Variants in SOX6 observed in about 807,000 individuals in gnomAD.
SOX6 encodes SRY-box transcription factor 6.
SOX6 carries 11 observed loss-of-function variants against 97.8 expected under a neutral mutation model. The observed-to-expected ratio is 0.11, with a 90% CI of 0.07 to 0.19. The LOEUF (loss-of-function observed/expected upper bound fraction) is 0.19. Among genes scored for constraint, SOX6 ranks in the 10% least tolerant of loss-of-function variants. The probability of loss-of-function intolerance (pLI) is 1.00; values close to 1 mark genes in which losing one functional copy is unlikely to be tolerated. For synonymous variants in SOX6, 360 were observed against 371.4 expected, an observed-to-expected ratio of 0.97 and a Z score of 0.35; for missense variants, 810 against 1,039.5, an observed-to-expected ratio of 0.78 and a Z score of 3.04.
Position 16,307,132 on chromosome 11 carries a change from C to T in SOX6, c.445+11314G>A, listed in dbSNP as rs180694129. On this transcript the variant is annotated intron_variant, in intron 3 of 15. Transcript: ENST00000683767. The stretch of plus-strand genomic sequence containing the variant: ...AAGAGTAAAGTAATATAAAATGGGG[C>T]TTGAAAGCCAGAGTAATATGTTAGG... Among the ~76,000 whole-genome samples the T allele has an allele frequency of 2.4e-3, 372 of 152,208 alleles. 8 individuals carry two copies. Among genetic ancestry groups the T allele is most frequent in the Admixed American group, 0.021 (314 of 15,292 alleles).
intron 13 of SOX6, among the ~76,000 whole-genome samples, chr11:15,994,917 G>C (rs1854177589): frequency 6.6e-6 from 1 of 152,122 alleles, no homozygotes; most frequent in African/African-American, 2.4e-5. Flanking sequence ...AACTGGAGTG[G>C]ATTCCATCCT....
intron 1 of SOX6, among the ~76,000 whole-genome samples, chr11:16,428,058 A>G (rs577627360): frequency 1.2e-4 from 18 of 152,284 alleles, no homozygotes; most frequent in African/African-American, 4.1e-4. Flanking sequence ...TGTGGTTTTG[A>G]TATGCATTTC....
intron 6 of SOX6, among the ~76,000 whole-genome samples, chr11:16,122,461 TA>T (rs1172017144): frequency 1.3e-5 from 2 of 152,146 alleles, no homozygotes; most frequent in East Asian, 3.9e-4. Flanking sequence ...AAATTTTGTA[TA>T]AATGCCATTT....
At chr11:16,508,247 A>C (rs1412850167) in intron 4 of SOX6, among the ~76,000 whole-genome samples, 1 of 152,130 alleles carries the variant, frequency 6.6e-6, no homozygotes, top group Non-Finnish European at 1.5e-5. Flanking sequence ...AAAAAATAAC[A>C]GATGCCAGTG....
At chr11:16,354,788 G>A (rs1857032873) in intron 1 of SOX6, among the ~76,000 whole-genome samples, 1 of 151,996 alleles carries the variant, frequency 6.6e-6, no homozygotes, top group Non-Finnish European at 1.5e-5. Context: ...TAAATAAAAA[G>A]TCTGAGCTAC....
At chr11:16,186,659 C>A in intron 5 of SOX6, 124 bp downstream of exon 5, 4 of 1,210,968 alleles carry the variant, frequency 3.3e-6, no homozygotes, top group Non-Finnish European at 4.7e-6. Context: ...TTTTTTCCAT[C>A]TTTTCTTATT....
intron 6 of SOX6, among the ~76,000 whole-genome samples, chr11:16,142,484 A>G (rs1365080073): frequency 6.6e-6 from 1 of 152,248 alleles, no homozygotes; most frequent in African/African-American, 2.4e-5. Context: ...CACCAGCAAC[A>G]GAACAAAGCT....
At chr11:16,737,965 C>G (rs1320953825) in intron 1 of SOX6, among the ~76,000 whole-genome samples, 1 of 151,772 alleles carries the variant, frequency 6.6e-6, no homozygotes, top group Non-Finnish European at 1.5e-5. Context: ...GGTGAAGGCC[C>G]CTACTGTAAC....
intron 3 of SOX6, among the ~76,000 whole-genome samples, chr11:16,632,823 C>A (rs574130491): frequency 2.0e-5 from 3 of 152,182 alleles, no homozygotes; most frequent in Non-Finnish European, 2.9e-5. Flanking sequence ...GGACCCCCTG[C>A]ACCAAGATTT....
intron 4 of SOX6, among the ~76,000 whole-genome samples, chr11:16,585,737 C>T (rs2133969955): frequency 7.6e-6 from 1 of 131,898 alleles, no homozygotes; most frequent in East Asian, 2.3e-4. Context: ...GGCTGTAGTG[C>T]AGTGGCGTGA....
chr11:16,656,703 C>G (rs1048635258), intron 3 of SOX6, among the ~76,000 whole-genome samples: 3 of 151,976 alleles, frequency 2.0e-5, no homozygotes, highest in Admixed American at 2.0e-4. Context: ...ATATTTTGTA[C>G]TATATATCTG....
intron 3 of SOX6, among the ~76,000 whole-genome samples, chr11:16,307,650 G>C (rs766634163): frequency 5.3e-5 from 8 of 152,126 alleles, no homozygotes; most frequent in Non-Finnish European, 1.2e-4. Context: ...AGTGCACACA[G>C]TTTGTTAGCC....
chr11:15,989,204 C>T lies in SOX6; in HGVS notation c.1759G>A (p.Ala587Thr), dbSNP rs1448398408. 6.2e-7 allele frequency: 1 copy of T among 1,610,140 alleles called. No individual in the cohort carries two copies. The highest frequency in any genetic ancestry group is 1.1e-5 in the South Asian group (1 of 90,902). ...CAACAATAATACTGCTGTAGTTTAG[C>T]TGCAGAGCCATTCATTGCTTTACTT... ...EGSKAMNGSAAKLQQYYCWPT... is the reference protein window; with the variant it reads ...EGSKAMNGSATKLQQYYCWPT... Residue 587 changes from alanine to threonine, a missense_variant, in exon 14 of 16, where the codon GCT becomes ACT. Ala to Thr is a moderately conservative substitution (Grantham distance 58, BLOSUM62 0). Coordinates refer to ENST00000683767, the MANE Select transcript of SOX6 (RefSeq NM_001367873.1).
At chr11:16,465,941 T>C (rs1481926518) in intron 1 of SOX6, 1 of 152,212 alleles carries the variant, frequency 6.6e-6, no homozygotes, top group East Asian at 1.9e-4. Context: ...TCTTCTTCTT[T>C]TGTAAGCACT....
chr11:16,729,383 T>G (rs1017425163), intron 2 of SOX6, among the ~76,000 whole-genome samples: 2 of 152,228 alleles, frequency 1.3e-5, no homozygotes, highest in Non-Finnish European at 2.9e-5. Context: ...CAGATCTCTC[T>G]GCAGAAACCC....
chr11:16,727,117 A>G (rs1207611353), intron 2 of SOX6, among the ~76,000 whole-genome samples: 2 of 151,952 alleles, frequency 1.3e-5, no homozygotes, highest in African/African-American at 4.9e-5. Context: ...CCTTGCTACC[A>G]GTACACCTAA....
At chr11:16,582,854 GA>G (rs1848043553) in intron 4 of SOX6, among the ~76,000 whole-genome samples, 1 of 152,024 alleles carries the variant, frequency 6.6e-6, no homozygotes, top group South Asian at 2.1e-4. Context: ...TTATAGGTAA[GA>G]TTTTTTAACC....
chr11:16,230,264 T>G (rs1402678022), intron 4 of SOX6, among the ~76,000 whole-genome samples: 1 of 151,534 alleles, frequency 6.6e-6, no homozygotes, highest in Non-Finnish European at 1.5e-5. Flanking sequence ...ATATCTGTAT[T>G]ACTTCTCTAT....
At position 16,244,163 on chromosome 11, in the gene SOX6, T is replaced by C. The variant is rs150923913; in HGVS notation, c.446-9492A>G. Among the ~76,000 whole-genome samples the C allele has an allele frequency of 2.6e-5, 4 of 152,038 alleles. No individual in the cohort carries two copies. In the East Asian group the frequency reaches 7.7e-4, roughly 29 times the overall value. On this transcript the variant is annotated intron_variant, in intron 3 of 15. Transcript: ENST00000683767. ...ACGTATGAGTGTTCTAGTTGTTTCA[T>C]ATCCTCAACAATATGTCTTAGTGTT... is the stretch of plus-strand genomic sequence containing the variant.
Sources: allele counts gnomAD v4.1 joint callset (sites outside exome capture counted in the v4.1 genomes callset), GRCh38; gene constraint gnomAD v4.1.1; transcripts MANE v1.5; gene names NCBI Gene and HGNC (gene_info 2026-07-23, HGNC 2026-07-21).